The following MIPOL1 variants were observed in gnomAD, a reference collection of about 807,000 sequenced individuals.
MIPOL1 encodes the protein mirror-image polydactyly 1.
Under a neutral mutation model 60.9 loss-of-function variants are expected in MIPOL1, and 57 were observed. That is an observed-to-expected ratio of 0.94 (90% CI 0.76 to 1.17). The LOEUF (loss-of-function observed/expected upper bound fraction) is 1.17, where lower values mean the gene tolerates loss of function less well. MIPOL1 is among the 50% of genes most tolerant of loss of function. MIPOL1 has a pLI of 0.00. For synonymous variants in MIPOL1, 179 were observed against 168.8 expected (o/e 1.06, Z -0.47); for missense variants, 551 against 511.6 (o/e 1.08, Z -0.74).
chr14:37,445,523 A>G (rs2094319587), intron 11 of MIPOL1, among the ~76,000 whole-genome samples: 1 of 151,434 alleles, frequency 6.6e-6, no homozygotes, highest in African/African-American at 2.4e-5. Context: ...ATTCAATGCC[A>G]TCCCCATCAA....
intron 1 of MIPOL1, among the ~76,000 whole-genome samples, chr14:37,213,705 T>C (rs181184095): frequency 1.7e-4 from 26 of 152,220 alleles, no homozygotes; most frequent in Admixed American, 5.2e-4. Context: ...GAGATATCAA[T>C]ATTTAAGTAC....
intron 10 of MIPOL1, among the ~76,000 whole-genome samples, chr14:37,418,608 A>G (rs1310318747): frequency 6.6e-6 from 1 of 152,160 alleles, no homozygotes; most frequent in Non-Finnish European, 1.5e-5. Flanking sequence ...GAAAATATGT[A>G]TTTTGGAACA....
chr14:37,367,340 A>C (rs2092505728), intron 9 of MIPOL1, among the ~76,000 whole-genome samples: 2 of 152,118 alleles, frequency 1.3e-5, no homozygotes, highest in African/African-American at 4.8e-5. Context: ...ATTTAAATAA[A>C]CATTTAATGT....
chr14:37,456,144 G>A (rs1955942), intron 11 of MIPOL1, among the ~76,000 whole-genome samples: 1,564 of 151,878 alleles, frequency 0.01, 30 homozygotes, highest in African/African-American at 0.034. Context: ...TATCATACTC[G>A]TTGCAGGAAT....
intron 11 of MIPOL1, among the ~76,000 whole-genome samples, chr14:37,495,742 C>T (rs1452466687): frequency 6.7e-6 from 1 of 149,166 alleles, no homozygotes; most frequent in South Asian, 2.1e-4. Context: ...TTTACAGTCC[C>T]ACCAACAGTG....
chr14:37,355,154 C>A (rs1391953191), intron 9 of MIPOL1, among the ~76,000 whole-genome samples: 1 of 149,930 alleles, frequency 6.7e-6, no homozygotes, highest in Non-Finnish European at 1.5e-5. Flanking sequence ...TTTATTTCTC[C>A]TTAGCTTATG....
At chr14:37,295,286 C>A (rs1000898871) in intron 7 of MIPOL1, among the ~76,000 whole-genome samples, 6 of 152,246 alleles carry the variant, frequency 3.9e-5, no homozygotes, top group South Asian at 2.1e-4. Flanking sequence ...GCCTGCTCTA[C>A]AAGAGCTCCT....
chr14:37,220,997 G>A (rs775857960), intron 1 of MIPOL1, among the ~76,000 whole-genome samples: 21 of 151,750 alleles, frequency 1.4e-4, no homozygotes, highest in Middle Eastern at 6.8e-3. Flanking sequence ...TGCCTAAGCC[G>A]TACCGACACA....
intron 10 of MIPOL1, among the ~76,000 whole-genome samples, chr14:37,417,018 C>T (rs2093782598): frequency 6.6e-6 from 1 of 152,126 alleles, no homozygotes; most frequent in South Asian, 2.1e-4. Flanking sequence ...AACATCAGCC[C>T]TCTAAGATAT....
At chr14:37,336,799 C>T (rs1027210837) in intron 9 of MIPOL1, among the ~76,000 whole-genome samples, 2 of 151,744 alleles carry the variant, frequency 1.3e-5, no homozygotes, top group Non-Finnish European at 2.9e-5. Context: ...TTCACTCTGT[C>T]GCCCAGGCTA....
chr14:37,426,118 T>C (rs2093955783), intron 11 of MIPOL1, among the ~76,000 whole-genome samples: 1 of 152,072 alleles, frequency 6.6e-6, no homozygotes, highest in South Asian at 2.1e-4. Flanking sequence ...AAAGAATTCT[T>C]ATAGAGCAAG....
At chr14:37,323,911 T>C (rs2088878208) in intron 9 of MIPOL1, among the ~76,000 whole-genome samples, 1 of 152,060 alleles carries the variant, frequency 6.6e-6, no homozygotes, top group Non-Finnish European at 1.5e-5. Flanking sequence ...CTTGTTTCTT[T>C]TACTGATAAG....
At chr14:37,379,397 T>C (rs919903269) in intron 10 of MIPOL1, among the ~76,000 whole-genome samples, 2 of 152,046 alleles carry the variant, frequency 1.3e-5, no homozygotes, top group Non-Finnish European at 2.9e-5. Flanking sequence ...TTTTGCGTCC[T>C]TCAGTTAGGC....
At chr14:37,262,746 C>T (rs1245317666) in intron 3 of MIPOL1, among the ~76,000 whole-genome samples, 1 of 152,176 alleles carries the variant, frequency 6.6e-6, no homozygotes, top group East Asian at 1.9e-4. Flanking sequence ...TCTTTCCTGT[C>T]TCTGAGCTCC....
At position 37,422,932 on chromosome 14, in the gene MIPOL1, C is replaced by T. The variant is rs760997914; in HGVS notation, c.1014C>T (p.Thr338=). ...QYKKLEEEIQ[T]LRVYYSLHKS... ...AAAAACTGGAAGAGGAAATCCAGAC[C>T]CTTCGAGTTTACTACAGGTAAAATT... The change falls in exon 11 of 13, where the codon ACC becomes ACT. Residue 338 remains threonine (T), a synonymous_variant. Transcript: ENST00000684589. 1 of 1,603,214 alleles carries T rather than the reference C, an allele frequency of 6.2e-7. No individual in the cohort carries two copies. The highest frequency in any genetic ancestry group is 1.3e-5 in the African/African-American group (1 of 74,276).
At chr14:37,398,456 C>G (rs1441045816) in intron 10 of MIPOL1, among the ~76,000 whole-genome samples, 1 of 152,136 alleles carries the variant, frequency 6.6e-6, no homozygotes. Context: ...GCTGCTGTGT[C>G]CATCCGAGTA....
chr14:37,501,664 G>A (rs2095217243), intron 12 of MIPOL1: 1 of 152,180 alleles, frequency 6.6e-6, no homozygotes, highest in Non-Finnish European at 1.5e-5. Context: ...CTAGTCTGCA[G>A]CTCCCAGTGT....
intron 9 of MIPOL1, among the ~76,000 whole-genome samples, chr14:37,327,075 A>G (rs866950425): frequency 1.3e-5 from 2 of 152,164 alleles, no homozygotes; most frequent in Admixed American, 6.5e-5. Flanking sequence ...ATATAGCTGT[A>G]TTTAGAAGTG....
intron 11 of MIPOL1, among the ~76,000 whole-genome samples, chr14:37,444,993 G>A (rs1036041619): frequency 1.3e-5 from 2 of 152,112 alleles, no homozygotes; most frequent in African/African-American, 2.4e-5. Flanking sequence ...AAAACTGGAA[G>A]CATTCCCTTT....
Sources: allele counts gnomAD v4.1 joint callset (sites outside exome capture counted in the v4.1 genomes callset), GRCh38; gene constraint gnomAD v4.1.1; transcripts MANE v1.5; gene names NCBI Gene and HGNC (gene_info 2026-07-23, HGNC 2026-07-21).